NRG1: variants seen among roughly 807,000 people sequenced by gnomAD.
NRG1 encodes the protein pro-neuregulin-1, membrane-bound isoform.
A neutral mutation model predicts 63.8 loss-of-function variants in NRG1; 18 were observed. That is an observed-to-expected ratio of 0.28 (90% confidence interval 0.19 to 0.42). The LOEUF (loss-of-function observed/expected upper bound fraction) is 0.42, where lower values mean the gene tolerates loss of function less well. Ranked by LOEUF, NRG1 falls within the 10% of genes least tolerant of loss-of-function variation. The probability of loss-of-function intolerance (pLI) is 1.00; values close to 1 mark genes in which losing one functional copy is unlikely to be tolerated. For synonymous variants in NRG1, 302 were observed against 301.3 expected (o/e 1.00, Z -0.02); for missense variants, 762 against 814.7 (o/e 0.94, Z 0.79).
chr8:32,602,312 C>T (rs1351341036), intron 2 of NRG1, among the ~76,000 whole-genome samples: 2 of 151,918 alleles, frequency 1.3e-5, no homozygotes, highest in Non-Finnish European at 2.9e-5. Context: ...GAATAGTATT[C>T]CAGGAAACAG....
intron 1 of NRG1, among the ~76,000 whole-genome samples, chr8:32,142,819 A>T (rs879606361): frequency 6.6e-6 from 1 of 152,250 alleles, no homozygotes; most frequent in African/African-American, 2.4e-5. Context: ...GTACAAATAC[A>T]GAATTATGTC....
chr8:32,432,693 A>G (rs763665261), intron 1 of NRG1, among the ~76,000 whole-genome samples: 10 of 151,864 alleles, frequency 6.6e-5, no homozygotes, highest in Non-Finnish European at 1.2e-4. Flanking sequence ...GGTTTCCACC[A>G]TGTTGCCCAG....
At chr8:32,603,197 C>T (rs1240486499) in intron 2 of NRG1, among the ~76,000 whole-genome samples, 3 of 151,980 alleles carry the variant, frequency 2.0e-5, no homozygotes, top group South Asian at 2.1e-4. Context: ...AACTTTGTTC[C>T]GTGGACCATT....
At chr8:32,406,148 A>C (rs533528391) in intron 1 of NRG1, among the ~76,000 whole-genome samples, 7 of 152,256 alleles carry the variant, frequency 4.6e-5, no homozygotes, top group African/African-American at 1.7e-4. Flanking sequence ...TTCTTTGTCA[A>C]GCCCCCTAAC....
intron 1 of NRG1, among the ~76,000 whole-genome samples, chr8:32,177,344 G>A (rs992268903): frequency 6.7e-6 from 1 of 150,180 alleles, no homozygotes. Context: ...GGTGGGAGGG[G>A]GGAGGGATAG....
intron 1 of NRG1, among the ~76,000 whole-genome samples, chr8:32,502,894 AT>A (rs943908179): frequency 6.6e-6 from 1 of 152,094 alleles, no homozygotes; most frequent in African/African-American, 2.4e-5. Context: ...TTCTCTCATA[AT>A]TTCTAGAGGC....
chr8:31,747,443 C>A (rs575704005), intron 1 of NRG1, among the ~76,000 whole-genome samples: 3 of 152,008 alleles, frequency 2.0e-5, no homozygotes, highest in Non-Finnish European at 2.9e-5. Flanking sequence ...GTGACAAATT[C>A]GGAAATGGAA....
At chr8:31,881,780 C>A (rs1830365697) in intron 1 of NRG1, among the ~76,000 whole-genome samples, 1 of 152,134 alleles carries the variant, frequency 6.6e-6, no homozygotes, top group Non-Finnish European at 1.5e-5. Context: ...TCAGCCACAA[C>A]ATTCTCTTAA....
At chr8:32,661,177 G>A (rs1307834770) in intron 5 of NRG1, among the ~76,000 whole-genome samples, 1 of 152,202 alleles carries the variant, frequency 6.6e-6, no homozygotes, top group African/African-American at 2.4e-5. Context: ...CATTGACATG[G>A]ACAATCATAT....
intron 1 of NRG1, among the ~76,000 whole-genome samples, chr8:31,804,015 C>A (rs1822041413): frequency 6.6e-6 from 1 of 152,162 alleles, no homozygotes; most frequent in African/African-American, 2.4e-5. Context: ...CCCACCCAAT[C>A]CTTTCATTAC....
At chr8:31,693,070 A>G (rs148241365) in intron 1 of NRG1, among the ~76,000 whole-genome samples, 1,934 of 152,288 alleles carry the variant, frequency 0.013, 28 homozygotes, top group Non-Finnish European at 0.02. Context: ...GCTAATCTCC[A>G]GGTCAAAGCC....
chr8:31,795,004 T>G (rs1005624839), intron 1 of NRG1, among the ~76,000 whole-genome samples: 2 of 152,140 alleles, frequency 1.3e-5, no homozygotes, highest in South Asian at 4.1e-4. Context: ...AGTTTCACCA[T>G]GTTGGCCAGG....
intron 1 of NRG1, among the ~76,000 whole-genome samples, chr8:32,193,304 T>TTGTGTGTG (rs142841681): frequency 6.8e-6 from 1 of 147,958 alleles, no homozygotes; most frequent in African/African-American, 2.5e-5. Flanking sequence ...TTTTCTACCT[T>TTGTGTGTG]TGTGTGTGTG....
intron 6 of NRG1, among the ~76,000 whole-genome samples, chr8:32,729,507 T>G (rs1266872104): frequency 6.6e-6 from 1 of 152,222 alleles, no homozygotes; most frequent in African/African-American, 2.4e-5. Flanking sequence ...AAAACCATTT[T>G]GTCACAAAAA....
chr8:32,716,867 T>C (rs1819370616), intron 5 of NRG1, among the ~76,000 whole-genome samples: 1 of 151,884 alleles, frequency 6.6e-6, no homozygotes, highest in Non-Finnish European at 1.5e-5. Context: ...CAGATGATGA[T>C]AGCAGGATGC....
chr8:32,234,550 T>C (rs2129469256), intron 1 of NRG1, among the ~76,000 whole-genome samples: 1 of 152,354 alleles, frequency 6.6e-6, no homozygotes, highest in South Asian at 2.1e-4. Context: ...TTGCTCGCTC[T>C]ACATTCCATA....
chr8:32,708,075 T>A (rs756836937), intron 5 of NRG1, among the ~76,000 whole-genome samples: 5 of 151,744 alleles, frequency 3.3e-5, no homozygotes, highest in Non-Finnish European at 7.4e-5. Flanking sequence ...TCATCCTTAT[T>A]ATACTTAACA....
At chr8:32,410,389 C>T (rs1814742973) in intron 1 of NRG1, among the ~76,000 whole-genome samples, 1 of 151,700 alleles carries the variant, frequency 6.6e-6, no homozygotes, top group East Asian at 1.9e-4. Flanking sequence ...GCATGTTCCC[C>T]AGGCTGGGCT....
rs548081517 is a variant in NRG1, at chr8:32,478,504, T to C, written c.38-117324T>C. 2.6e-5 allele frequency among the ~76,000 whole-genome samples: 4 copies of C among 152,310 alleles called. No homozygotes were observed. In the East Asian group the frequency reaches 7.7e-4, roughly 29 times the overall value. On this transcript the variant is annotated intron_variant, in intron 1 of 10. Transcript: ENST00000519301. ...TTATTTATTTATTTGATACTGTTAA[T>C]AAAAAGCAAACAAGCCAAAAAGAAA...
Sources: gnomAD v4.1 joint callset for allele counts (sites outside exome capture counted in the v4.1 genomes callset) on GRCh38, gnomAD v4.1.1 for gene constraint, MANE v1.5 for transcripts, NCBI Gene and HGNC (gene_info 2026-07-23, HGNC 2026-07-21) for gene names.